The following LINGO2 variants were observed in gnomAD, a reference collection of about 807,000 sequenced individuals.
LINGO2 encodes leucine rich repeat and Ig domain containing 2.
In LINGO2, 14 loss-of-function variants were observed where a neutral mutation model predicts 30.6. The ratio of observed to expected loss-of-function variants is 0.46; its 90% CI spans 0.30 to 0.72. The LOEUF (loss-of-function observed/expected upper bound fraction) is 0.72, where lower values mean the gene tolerates loss of function less well. LINGO2 is among the 30% of genes least tolerant of loss of function. The pLI is 0.07. For synonymous variants in LINGO2, 317 were observed against 288.5 expected (o/e 1.10, Z -1.00); for missense variants, 729 against 751.7 (o/e 0.97, Z 0.35).
the LINGO2 span, among the ~76,000 whole-genome samples, chr9:28,884,697 G>GTA: frequency 0.83 from 114,098 of 137,810 alleles, 47,256 homozygotes; most frequent in Non-Finnish European, 0.87. Context: ...GTATGTATGT[G>GTA]TATATATATA....
At chr9:29,028,984 A>G in the LINGO2 span, among the ~76,000 whole-genome samples, 4 of 152,320 alleles carry the variant, frequency 2.6e-5, no homozygotes, top group Non-Finnish European at 5.9e-5. Context: ...ATAGCTGTAT[A>G]CACAGCATGA....
intron 1 of LINGO2, among the ~76,000 whole-genome samples, chr9:28,490,422 T>C (rs575048795): frequency 1.3e-4 from 20 of 152,184 alleles, no homozygotes; most frequent in Non-Finnish European, 2.6e-4. Context: ...TTGGGTGAAC[T>C]AGGAATGTGC....
chr9:28,817,014 T>G, the LINGO2 span, among the ~76,000 whole-genome samples: 45 of 152,210 alleles, frequency 3.0e-4, no homozygotes, highest in African/African-American at 9.9e-4. Context: ...CATCTGTGGA[T>G]GTAGTAAAGT....
chr9:28,826,389 C>A, the LINGO2 span, among the ~76,000 whole-genome samples: 1 of 152,104 alleles, frequency 6.6e-6, no homozygotes, highest in Non-Finnish European at 1.5e-5. Flanking sequence ...ATGATGAATC[C>A]TTTCCACAGT....
At chr9:29,071,975 C>A in the LINGO2 span, among the ~76,000 whole-genome samples, 1 of 151,942 alleles carries the variant, frequency 6.6e-6, no homozygotes, top group Non-Finnish European at 1.5e-5. Flanking sequence ...TAGAAGAAAC[C>A]TTTTTATTAT....
At chr9:27,945,217 C>T (rs1823318567), downstream of LINGO2, among the ~76,000 whole-genome samples, 1 of 152,030 alleles carries the variant, frequency 6.6e-6, no homozygotes, top group African/African-American at 2.4e-5. Context: ...TTTATTTCTC[C>T]AAGATCACAT....
the LINGO2 span, among the ~76,000 whole-genome samples, chr9:28,933,364 C>T: frequency 6.6e-6 from 1 of 152,188 alleles, no homozygotes; most frequent in African/African-American, 2.4e-5. Flanking sequence ...TTCTCTTTAA[C>T]CCTGAGTTTC....
chr9:28,817,780 G>A, the LINGO2 span, among the ~76,000 whole-genome samples: 2 of 152,148 alleles, frequency 1.3e-5, no homozygotes, highest in African/African-American at 4.8e-5. Context: ...TTTTGGGGAA[G>A]ATGAAAAAGC....
At chr9:28,055,943 T>C (rs1824918485) in intron 4 of LINGO2, among the ~76,000 whole-genome samples, 1 of 152,166 alleles carries the variant, frequency 6.6e-6, no homozygotes, top group Admixed American at 6.6e-5. Context: ...AGTTACTACT[T>C]GAATCTATCA....
chr9:29,114,768 G>A, the LINGO2 span, among the ~76,000 whole-genome samples: 1 of 151,388 alleles, frequency 6.6e-6, no homozygotes, highest in Non-Finnish European at 1.5e-5. Context: ...ATTCCATGGT[G>A]TATATGTGCC....
intron 4 of LINGO2, among the ~76,000 whole-genome samples, chr9:28,255,750 C>G (rs1015056287): frequency 6.6e-6 from 1 of 152,008 alleles, no homozygotes; most frequent in African/African-American, 2.4e-5. Flanking sequence ...CTTTGCAATT[C>G]TATTTCCTGA....
chr9:29,205,373 A>G, the LINGO2 span, among the ~76,000 whole-genome samples: 1 of 152,180 alleles, frequency 6.6e-6, no homozygotes, highest in South Asian at 2.1e-4. Context: ...ATGGTGAACT[A>G]TTCAATTTAT....
At chr9:28,084,357 AG>A (rs1041827227) in intron 4 of LINGO2, among the ~76,000 whole-genome samples, 1 of 152,096 alleles carries the variant, frequency 6.6e-6, no homozygotes, top group Non-Finnish European at 1.5e-5. Context: ...AATTTGAGAC[AG>A]GGGGGCAAAA....
chr9:29,137,053 A>C, the LINGO2 span, among the ~76,000 whole-genome samples: 1 of 152,216 alleles, frequency 6.6e-6, no homozygotes, highest in African/African-American at 2.4e-5. Context: ...CCCCCCAAAA[A>C]ATACATGCCA....
At chr9:29,159,826 CT>C in the LINGO2 span, among the ~76,000 whole-genome samples, 1 of 130,628 alleles carries the variant, frequency 7.7e-6, no homozygotes, top group Non-Finnish European at 1.7e-5. Context: ...GCACTCCAGC[CT>C]GGGCCAAAAA....
At chr9:28,712,369 T>C in the LINGO2 span, among the ~76,000 whole-genome samples, 1 of 152,014 alleles carries the variant, frequency 6.6e-6, no homozygotes, top group Admixed American at 6.6e-5. Flanking sequence ...ATCTCTTATA[T>C]ATAAAAACTT....
At chr9:28,847,202 C>A in the LINGO2 span, among the ~76,000 whole-genome samples, 1 of 148,300 alleles carries the variant, frequency 6.7e-6, no homozygotes, top group Non-Finnish European at 1.5e-5. Flanking sequence ...CCATTTTTGG[C>A]CCCTAAGACT....
the LINGO2 span, among the ~76,000 whole-genome samples, chr9:29,046,119 C>T: frequency 4.3e-4 from 65 of 152,234 alleles, no homozygotes; most frequent in African/African-American, 1.4e-3. Flanking sequence ...TATTTGGATG[C>T]CTTTTCTTTC....
intron 1 of LINGO2, among the ~76,000 whole-genome samples, chr9:28,538,382 G>T (rs1821525249): frequency 6.6e-6 from 1 of 151,974 alleles, no homozygotes; most frequent in African/African-American, 2.4e-5. Flanking sequence ...TAAAGTTTTT[G>T]TATTTGGAAG....
Sources: gnomAD v4.1 joint callset for allele counts (sites outside exome capture counted in the v4.1 genomes callset) on GRCh38, gnomAD v4.1.1 for gene constraint, MANE v1.5 for transcripts, NCBI Gene and HGNC (gene_info 2026-07-23, HGNC 2026-07-21) for gene names.